The following XRCC4 variants were observed in gnomAD, a reference collection of about 807,000 sequenced individuals.
XRCC4 encodes the protein X-ray repair cross complementing 4.
A neutral mutation model predicts 39.1 loss-of-function variants in XRCC4; 28 were observed. That is an observed-to-expected ratio of 0.72 (90% confidence interval 0.53 to 0.98). XRCC4 has a LOEUF of 0.98. XRCC4 is among the 50% of genes least tolerant of loss of function. XRCC4 has a pLI of 0.00. For synonymous variants in XRCC4, 123 were observed against 126.4 expected (o/e 0.97, Z 0.18); for missense variants, 350 against 376.4 (o/e 0.93, Z 0.58).
chr5:83,216,490 C>T (rs895761141), intron 6 of XRCC4, among the ~76,000 whole-genome samples: 1 of 152,120 alleles, frequency 6.6e-6, no homozygotes, highest in Non-Finnish European at 1.5e-5. Flanking sequence ...TAAGAACATA[C>T]GTCCTCATAA....
intron 6 of XRCC4, among the ~76,000 whole-genome samples, chr5:83,245,891 C>T (rs1190357549): frequency 1.3e-5 from 2 of 150,496 alleles, no homozygotes; most frequent in African/African-American, 4.9e-5. Context: ...CTTCCCTCTG[C>T]AACAATCACA....
At chr5:83,103,009 G>GATATACATATATATAT (rs1746013022) in intron 1 of XRCC4, among the ~76,000 whole-genome samples, 1 of 106,464 alleles carries the variant, frequency 9.4e-6, no homozygotes, top group East Asian at 2.7e-4. Context: ...AGATAGAGCT[G>GATATACATATATATAT]ATATATATAT....
At chr5:83,086,791 A>G (rs938007279) in intron 1 of XRCC4, among the ~76,000 whole-genome samples, 1 of 151,448 alleles carries the variant, frequency 6.6e-6, no homozygotes, top group African/African-American at 2.4e-5. Flanking sequence ...TTTTTTTTTC[A>G]AAAACAGTTT....
chr5:83,091,520 C>G (rs1480080453), intron 1 of XRCC4, among the ~76,000 whole-genome samples: 1 of 152,084 alleles, frequency 6.6e-6, no homozygotes, highest in African/African-American at 2.4e-5. Flanking sequence ...ACTGCCCATC[C>G]TCCCTACCAC....
chr5:83,257,886 C>T (rs975246381), intron 6 of XRCC4, among the ~76,000 whole-genome samples: 74 of 152,206 alleles, frequency 4.9e-4, no homozygotes, highest in African/African-American at 1.8e-3. Context: ...ATATCCTTTG[C>T]AGGGATATGG....
intron 7 of XRCC4, among the ~76,000 whole-genome samples, chr5:83,304,327 C>T: frequency 6.6e-6 from 1 of 152,024 alleles, no homozygotes; most frequent in East Asian, 1.9e-4. Context: ...GAGTGCCCCA[C>T]CGCACCCAGC....
chr5:83,103,009 G>GATATATAT (rs56183616), intron 1 of XRCC4, among the ~76,000 whole-genome samples: 4,902 of 106,348 alleles, frequency 0.046, 284 homozygotes, highest in South Asian at 0.12. Context: ...AGATAGAGCT[G>GATATATAT]ATATATATAT....
chr5:83,211,720 G>A (rs1363257524), intron 6 of XRCC4, among the ~76,000 whole-genome samples: 9 of 152,132 alleles, frequency 5.9e-5, no homozygotes. Context: ...TAGACACAGA[G>A]TAACCCATTT....
chr5:83,230,088 A>G (rs1752441799), intron 6 of XRCC4, among the ~76,000 whole-genome samples: 1 of 151,890 alleles, frequency 6.6e-6, no homozygotes, highest in South Asian at 2.1e-4. Flanking sequence ...TCTCTTCCAT[A>G]GTAACATTTG....
At position 83,233,128 on chromosome 5, in the gene XRCC4, A is replaced by G. The variant is rs568777067; in HGVS notation, c.746-25402A>G. Among the ~76,000 whole-genome samples, 10 of 152,336 alleles carry G rather than the reference A, an allele frequency of 6.6e-5. No homozygotes were observed. In the South Asian group the frequency reaches 1.2e-3, roughly 19 times the overall value. ...ATTGAAGCCAAAAACTAAGTTGTCAATTATCATACTGGAAAATAAATAGTA... is the reference window on the plus strand; with the variant it reads ...ATTGAAGCCAAAAACTAAGTTGTCAGTTATCATACTGGAAAATAAATAGTA... On this transcript the variant is annotated intron_variant, in intron 6 of 7. Transcript: ENST00000396027.
chr5:83,189,909 C>G (rs145576656), intron 3 of XRCC4, among the ~76,000 whole-genome samples: 62 of 152,018 alleles, frequency 4.1e-4, no homozygotes, highest in African/African-American at 1.2e-3. Flanking sequence ...ACTAAAAATT[C>G]AAAAATTAGT....
chr5:83,108,038 C>T (rs1390926675), intron 2 of XRCC4, among the ~76,000 whole-genome samples: 1 of 151,938 alleles, frequency 6.6e-6, no homozygotes, highest in Non-Finnish European at 1.5e-5. Context: ...CCTATAAACA[C>T]TGCAAAAGTG....
the XRCC4 span, among the ~76,000 whole-genome samples, chr5:83,374,208 G>A: frequency 2.0e-5 from 3 of 152,108 alleles, no homozygotes; most frequent in African/African-American, 7.2e-5. Flanking sequence ...ATTTTAAATT[G>A]TAGCTCCCAT....
At chr5:83,109,179 T>C (rs1479824587) in intron 2 of XRCC4, among the ~76,000 whole-genome samples, 2 of 151,902 alleles carry the variant, frequency 1.3e-5, no homozygotes, top group Admixed American at 1.3e-4. Flanking sequence ...AAATGTGTGT[T>C]CCATTTTAGG....
intron 3 of XRCC4, among the ~76,000 whole-genome samples, chr5:83,139,157 T>C (rs971544163): frequency 6.6e-6 from 1 of 152,116 alleles, no homozygotes; most frequent in African/African-American, 2.4e-5. Context: ...CATTGTCTCT[T>C]TAGTTTTTTA....
At chr5:83,128,204 A>G (rs1334085890) in intron 3 of XRCC4, among the ~76,000 whole-genome samples, 4 of 152,020 alleles carry the variant, frequency 2.6e-5, no homozygotes, top group African/African-American at 9.7e-5. Context: ...GTTCCCACCT[A>G]TGAGTGAGAA....
the XRCC4 span, among the ~76,000 whole-genome samples, chr5:83,362,294 C>CAAAAAAAAAAAAAAAAAAAAAAAAA: frequency 1.4e-5 from 1 of 73,184 alleles, no homozygotes; most frequent in East Asian, 5.0e-4. Context: ...GCTATTTAGG[C>CAAAAAAAAAAAAAAAAAAAAAAAAA]AAAAAAAAAA....
At chr5:83,097,882 G>T (rs373042543) in intron 1 of XRCC4, among the ~76,000 whole-genome samples, 2 of 152,052 alleles carry the variant, frequency 1.3e-5, no homozygotes, top group Non-Finnish European at 2.9e-5. Context: ...AAGAGTGGCC[G>T]CTCAATGAAT....
intron 6 of XRCC4, among the ~76,000 whole-genome samples, chr5:83,229,296 G>T (rs1311175912): frequency 1.3e-5 from 2 of 152,012 alleles, no homozygotes; most frequent in Non-Finnish European, 2.9e-5. Context: ...CATTGTGCTG[G>T]CAGGTATTAT....
Sources: allele counts gnomAD v4.1 joint callset (sites outside exome capture counted in the v4.1 genomes callset), GRCh38; gene constraint gnomAD v4.1.1; transcripts MANE v1.5; gene names NCBI Gene and HGNC (gene_info 2026-07-23, HGNC 2026-07-21).